Variants in PLEKHG4B observed in about 807,000 individuals in gnomAD.
The protein encoded by PLEKHG4B is pleckstrin homology domain-containing family G member 4B.
PLEKHG4B carries 111 observed loss-of-function variants against 121.3 expected under a neutral mutation model. That is an observed-to-expected ratio of 0.92 (90% CI 0.78 to 1.07). The LOEUF (loss-of-function observed/expected upper bound fraction) is 1.07. PLEKHG4B is among the 50% of genes least tolerant of loss of function. PLEKHG4B has a pLI of 0.00. For synonymous variants in PLEKHG4B, 738 were observed against 725.0 expected (o/e 1.02, Z -0.29); for missense variants, 1,831 against 1,757.8 (o/e 1.04, Z -0.74).
At chr5:162,699 G>A (rs1314815658) in intron 12 of PLEKHG4B, 23 bp from the exon 13 acceptor site, 2 of 1,437,332 alleles carry the variant, frequency 1.4e-6, no homozygotes, top group South Asian at 1.5e-5. Flanking sequence ...ACTGCACTGA[G>A]CAGAGCCCTC....
chr5:144,796 T>G (rs1560926965), intron 5 of PLEKHG4B, 31 bp from the exon 6 acceptor site: 2 of 1,564,282 alleles, frequency 1.3e-6, no homozygotes, highest in Non-Finnish European at 1.8e-6. Flanking sequence ...TAACCTTCAG[T>G]GGTTAAGATG....
In PLEKHG4B at chr5:163,085, C is replaced by A. The variant is rs1483837726; in HGVS notation, c.3013C>A (p.Pro1005Thr). The change falls in exon 13 of 20, where the codon CCT becomes ACT. Residue 1005 changes from proline (P) to threonine (T), a missense_variant. Coordinates refer to ENST00000637938, the MANE Select transcript of PLEKHG4B (RefSeq NM_052909.5). ...STDSGGGAWE[P>T]AQPLSGLPGR... is the part of the protein sequence containing the mutation. ...GGACAGTGGGGGTGGTGCCTGGGAA[C>A]CTGCGCAACCACTGTCCGGCCTCCC... The A allele has an allele frequency of 1.3e-6, 2 of 1,564,286 alleles. No individual in the cohort carries two copies. Among genetic ancestry groups the A allele is most frequent in the Non-Finnish European group, 1.7e-6 (2 of 1,154,538 alleles).
chr5:178,555 G>A (rs1736834360), intron 18 of PLEKHG4B, among the ~76,000 whole-genome samples: 1 of 152,108 alleles, frequency 6.6e-6, no homozygotes, highest in Admixed American at 6.5e-5. Context: ...GGAAAATTAT[G>A]TGAAAATCTC....
chr5:145,111 GC>G (rs1437328672), intron 6 of PLEKHG4B, among the ~76,000 whole-genome samples, 191 bp downstream of exon 6: 4 of 152,228 alleles, frequency 2.6e-5, no homozygotes, highest in African/African-American at 4.8e-5. Context: ...GCTCTCTGGG[GC>G]CAGGCACAGA....
intron 13 of PLEKHG4B, among the ~76,000 whole-genome samples, chr5:164,211 A>G (rs1218216908): frequency 6.6e-6 from 1 of 152,144 alleles, no homozygotes; most frequent in East Asian, 1.9e-4. Context: ...ATGGAAGACA[A>G]TTTTTCCACA....
At chr5:93,893 C>G (rs1238498303) in intron 1 of PLEKHG4B, among the ~76,000 whole-genome samples, 1 of 152,162 alleles carries the variant, frequency 6.6e-6, no homozygotes, top group African/African-American at 2.4e-5. Context: ...CACAGGAGGC[C>G]CCAGATCCCC....
intron 13 of PLEKHG4B, among the ~76,000 whole-genome samples, chr5:168,052 G>T (rs947317380): frequency 1.3e-5 from 2 of 152,190 alleles, no homozygotes; most frequent in Non-Finnish European, 2.9e-5. Context: ...AACACGAGTG[G>T]ATCCTCTGGG....
intron 13 of PLEKHG4B, among the ~76,000 whole-genome samples, chr5:163,875 C>G (rs1312507633): frequency 1.3e-5 from 2 of 152,238 alleles, no homozygotes; most frequent in Non-Finnish European, 2.9e-5. Flanking sequence ...TCAACCCCGA[C>G]ACCAAGAAGA....
intron 14 of PLEKHG4B, among the ~76,000 whole-genome samples, chr5:170,022 T>C (rs1043183803): frequency 1.3e-5 from 2 of 152,242 alleles, no homozygotes; most frequent in African/African-American, 4.8e-5. Flanking sequence ...TGTCCCGTTC[T>C]GAGAATTCCC....
intron 2 of PLEKHG4B, among the ~76,000 whole-genome samples, chr5:126,266 G>A (rs1031194454): frequency 3.9e-5 from 6 of 152,086 alleles, no homozygotes; most frequent in African/African-American, 1.4e-4. Context: ...TTTAGGCTTT[G>A]TTCACTTTTC....
At chr5:164,630 G>A (rs72720460) in intron 13 of PLEKHG4B, among the ~76,000 whole-genome samples, 3,767 of 48,782 alleles carry the variant, frequency 0.077, 818 homozygotes, top group African/African-American at 0.12. Context: ...GTGACGGAGC[G>A]GAGCTCACAC....
chr5:147,354 G>A (rs1211839356), intron 6 of PLEKHG4B, among the ~76,000 whole-genome samples: 1 of 152,210 alleles, frequency 6.6e-6, no homozygotes, highest in Non-Finnish European at 1.5e-5. Flanking sequence ...ATGAGCATGA[G>A]CTGTCCCTGG....
At chr5:153,742 G>A (rs6860951) in intron 7 of PLEKHG4B, among the ~76,000 whole-genome samples, 28,303 of 152,164 alleles carry the variant, frequency 0.19, 3,639 homozygotes, top group African/African-American at 0.36. Context: ...CTGGAGTGCA[G>A]TGGTGTGATC....
At chr5:172,796 G>T (rs189812584) in intron 16 of PLEKHG4B, 101 bp from the exon 17 acceptor site, 2 of 1,346,818 alleles carry the variant, frequency 1.5e-6, no homozygotes, top group African/African-American at 2.9e-5. Context: ...CTGCTGTTCC[G>T]TCTTGTCACG....
chr5:110,553 C>A (rs1479868363), intron 1 of PLEKHG4B, among the ~76,000 whole-genome samples: 1 of 150,926 alleles, frequency 6.6e-6, no homozygotes, highest in Non-Finnish European at 1.5e-5. Context: ...CACGTGCACA[C>A]ACCCACGCAA....
In PLEKHG4B at chr5:169,560, C is replaced by T; in HGVS notation, c.3697C>T (p.Pro1233Ser). 1 of 1,613,764 alleles carries T rather than the reference C, an allele frequency of 6.2e-7. No homozygotes were observed. Among genetic ancestry groups the T allele is most frequent in the Non-Finnish European group, 8.5e-7 (1 of 1,180,044 alleles). The change falls in exon 14 of 20, where the codon CCC becomes TCC. Residue 1233 changes from proline to serine, a missense_variant. Transcript: ENST00000637938. ...LRELERCQHC[P>S]LAVGRSFLRH... Reference sequence around the variant, plus strand: ...GGAGCTGGAGCGCTGCCAGCACTGCCCCTTGGCCGTGGGCCGCAGTTTCCT... The same window carrying T: ...GGAGCTGGAGCGCTGCCAGCACTGCTCCTTGGCCGTGGGCCGCAGTTTCCT...
chr5:163,112 G>C lies in PLEKHG4B; in HGVS notation c.3040G>C (p.Gly1014Arg), dbSNP rs369882626. ...EPAQPLSGLPGRALLCGQDGE... is the reference protein window; with the variant it reads ...EPAQPLSGLPRRALLCGQDGE... ...TGCGCAACCACTGTCCGGCCTCCCT[G>C]GACGAGCGCTTCTGTGTGGACAGGA... is the stretch of plus-strand genomic sequence containing the variant. The change falls in exon 13 of 20, where the codon GGA becomes CGA. Residue 1014 changes from glycine to arginine, a missense_variant. Physicochemically the swap from Gly to Arg is moderately radical, Grantham distance 125 (BLOSUM62 -2). Coordinates refer to ENST00000637938, the MANE Select transcript of PLEKHG4B (RefSeq NM_052909.5). 1 of 1,563,780 alleles carries C rather than the reference G, an allele frequency of 6.4e-7. No individual in the cohort carries two copies. The highest frequency in any genetic ancestry group is 1.4e-5 in the African/African-American group (1 of 73,540).
chr5:140,646 C>T lies in PLEKHG4B; in HGVS notation c.1407C>T (p.His469=). The change falls in exon 3 of 20, where the codon CAC becomes CAT. Residue 469 remains histidine, a synonymous_variant. Transcript: ENST00000637938. The part of the protein sequence containing the change: ...HHSAGSRPGG[H]LGGQAVGTPN... ...CAGCAGGCTCCAGGCCTGGGGGCCA[C>T]CTAGGAGGACAAGCTGTGGGGACCC... is the stretch of plus-strand genomic sequence containing the variant. 6.2e-7 allele frequency: 1 copy of T among 1,608,468 alleles called. No individual in the cohort carries two copies. The highest frequency in any genetic ancestry group is 1.1e-5 in the South Asian group (1 of 90,830).
At chr5:127,237 C>A (rs568303836) in intron 2 of PLEKHG4B, among the ~76,000 whole-genome samples, 5 of 152,052 alleles carry the variant, frequency 3.3e-5, no homozygotes, top group African/African-American at 1.2e-4. Context: ...GATTTGGGGG[C>A]TGATTTTCAT....
Sources: gnomAD v4.1 joint callset for allele counts (sites outside exome capture counted in the v4.1 genomes callset) on GRCh38, gnomAD v4.1.1 for gene constraint, MANE v1.5 for transcripts, NCBI Gene and HGNC (gene_info 2026-07-23, HGNC 2026-07-21) for gene names.